The following ITGAD variants were observed in gnomAD, a reference collection of about 807,000 sequenced individuals.
The protein encoded by ITGAD is integrin subunit alpha D.
Under a neutral mutation model 139.0 loss-of-function variants are expected in ITGAD, and 105 were observed. That is an observed-to-expected ratio of 0.76 (90% CI 0.65 to 0.89). ITGAD has a LOEUF of 0.89. Ranked by LOEUF, ITGAD falls within the 40% of genes least tolerant of loss-of-function variation. The probability of loss-of-function intolerance (pLI) is 0.00; values close to 1 mark genes in which losing one functional copy is unlikely to be tolerated. For synonymous variants in ITGAD, 569 were observed against 598.3 expected (o/e 0.95, Z 0.71); for missense variants, 1,384 against 1,487.3 (o/e 0.93, Z 1.14).
rs377508358 is a variant in ITGAD, at chr16:31,407,908, C to T, written c.1001C>T (p.Ala334Val). ...IQKQLQEKIYAVEGTQSRASS... is the reference protein window; with the variant it reads ...IQKQLQEKIYVVEGTQSRASS... ...AAGCAGCTGCAGGAGAAGATCTATG[C>T]AGTTGAGGGTAAATGGAAGCAAGGG... The change falls in exon 9 of 30, where the codon GCA (alanine) becomes GTA (valine). Residue 334 changes from alanine (A) to valine (V), a missense_variant. Coordinates refer to ENST00000389202, the MANE Select transcript of ITGAD (RefSeq NM_005353.3). The T allele has an allele frequency of 3.1e-6, 5 of 1,588,988 alleles. No individual in the cohort carries two copies. The African/African-American group carries it at 5.4e-5, about 17-fold the overall frequency.
rs1304133180 is a variant in ITGAD at position 31,416,257 on chromosome 16, G to C, written c.2328G>C (p.Gly776=). 3.7e-6 allele frequency: 6 copies of C among 1,605,156 alleles called. No homozygotes were observed. The highest frequency in any genetic ancestry group is 8.5e-7 in the Non-Finnish European group (1 of 1,175,012). The part of the protein sequence containing the change: ...KNCGQDGLCE[G]DLGVTLSFSG... Reference sequence around the variant, plus strand: ...GTGGGCAAGATGGCCTCTGTGAAGGGGACCTGGGTGTCACCCTCAGCTTCT... The same window carrying C: ...GTGGGCAAGATGGCCTCTGTGAAGGCGACCTGGGTGTCACCCTCAGCTTCT... The change falls in exon 19 of 30, where the codon GGG becomes GGC. Residue 776 remains glycine, a synonymous_variant. Coordinates refer to ENST00000389202, the MANE Select transcript of ITGAD (RefSeq NM_005353.3).
In ITGAD at chr16:31,423,848, T is replaced by C. The variant is rs772290941; in HGVS notation, c.3049T>C (p.Cys1017Arg). ...TTCACCCCTCTTCTGCCCCCAGGAC[T>C]GCTCCATTGCTGACTGCCTGCAGTT... ...TQISRSPMLDCSIADCLQFRC... is the reference protein window; with the variant it reads ...TQISRSPMLDRSIADCLQFRC... The change falls in exon 27 of 30, where the codon TGC becomes CGC. Residue 1017 changes from cysteine (C) to arginine (R), a missense_variant. Physicochemically the swap from Cys to Arg is radical, Grantham distance 180. Coordinates refer to ENST00000389202, the MANE Select transcript of ITGAD (RefSeq NM_005353.3). 5.6e-5 allele frequency: 91 copies of C among 1,614,114 alleles called. No homozygotes were observed. The highest frequency in any genetic ancestry group is 7.5e-5 in the Non-Finnish European group (88 of 1,180,050).
chr16:31,408,392 T>A, intron 9 of ITGAD, 33 bp from the exon 10 acceptor site: 1 of 1,596,140 alleles, frequency 6.3e-7, no homozygotes, highest in Non-Finnish European at 8.6e-7. Context: ...GTCTCATGGC[T>A]TCTAGGAACT....
Position 31,418,341 on chromosome 16 carries a change from C to A in ITGAD, c.2657C>A (p.Thr886Asn). 6.2e-7 allele frequency: 1 copy of A among 1,614,110 alleles called. No homozygotes were observed. Among genetic ancestry groups the A allele is most frequent in the African/African-American group, 1.3e-5 (1 of 75,024 alleles). ...IVTFDVSYKA[T>N]LGDRMLMRAS... The stretch of plus-strand genomic sequence containing the variant: ...ACATTCGATGTCTCCTACAAGGCCA[C>A]CCTGGGAGACAGGATGCTTATGAGG... Residue 886 changes from threonine to asparagine, a missense_variant, in exon 22 of 30, where the codon ACC (threonine) becomes AAC (asparagine). Physicochemically the swap from Thr to Asn is moderately conservative, Grantham distance 65. Coordinates refer to ENST00000389202, the MANE Select transcript of ITGAD (RefSeq NM_005353.3).
intron 2 of ITGAD, among the ~76,000 whole-genome samples, chr16:31,396,591 C>T (rs1259262379): frequency 6.6e-6 from 1 of 152,166 alleles, no homozygotes; most frequent in Non-Finnish European, 1.5e-5. Flanking sequence ...CTTAGGCATC[C>T]CCTGAATCAT....
At chr16:31,409,338 CA>C (rs34935482) in intron 10 of ITGAD, among the ~76,000 whole-genome samples, 1 of 143,904 alleles carries the variant, frequency 6.9e-6, no homozygotes, top group Non-Finnish European at 1.5e-5. Context: ...CAAAACAAAG[CA>C]AAAAAAAACA....
rs975077507 is a variant in ITGAD, at chr16:31,418,759, G to A, written c.2780+195G>A. On this transcript the variant is annotated intron_variant, in intron 23 of 29. Coordinates refer to ENST00000389202, the MANE Select transcript of ITGAD (RefSeq NM_005353.3). ...TTCTGGGCTGGGCGCGGTACCTCGC[G>A]CCTGTAACCCCAGCACTTTGGGAGG... Among the ~76,000 whole-genome samples, 49 of 152,194 alleles carry A rather than the reference G, an allele frequency of 3.2e-4. 1 individual carries two copies. The highest frequency in any genetic ancestry group is 1.1e-3 in the Admixed American group (17 of 15,284).
At chr16:31,398,191 C>A (rs1339781904) in intron 5 of ITGAD, among the ~76,000 whole-genome samples, 1 of 151,972 alleles carries the variant, frequency 6.6e-6, no homozygotes, top group Admixed American at 6.6e-5. Context: ...CTGAGGTGGG[C>A]GGATCACCTG....
At chr16:31,412,677 G>C (rs985548794) in intron 14 of ITGAD, among the ~76,000 whole-genome samples, 161 bp from the exon 15 acceptor site, 6 of 152,210 alleles carry the variant, frequency 3.9e-5, no homozygotes, top group African/African-American at 1.4e-4. Flanking sequence ...ATCATCTCCC[G>C]ACTCCTACCT....
intron 23 of ITGAD, among the ~76,000 whole-genome samples, chr16:31,420,359 C>A (rs1259354220): frequency 6.6e-6 from 1 of 151,266 alleles, no homozygotes; most frequent in Non-Finnish European, 1.5e-5. Flanking sequence ...ATACACTGGG[C>A]TGAAAGACTG....
chr16:31,412,943 G>A lies in ITGAD; in HGVS notation c.1813G>A (p.Ala605Thr), dbSNP rs766626429. Residue 605 changes from alanine (A) to threonine (T), a missense_variant, in exon 15 of 30, where the codon GCC becomes ACC. Transcript: ENST00000389202. Reference protein sequence around the residue: ...QDGLMDLAVGARGQVLLLRSL... With the variant: ...QDGLMDLAVGTRGQVLLLRSL... ...TGGACTGATGGACCTGGCCGTGGGGGCCCGGGGCCAGGTGCTCCTGCTCAG... is the reference window on the plus strand; with the variant it reads ...TGGACTGATGGACCTGGCCGTGGGGACCCGGGGCCAGGTGCTCCTGCTCAG... The A allele has an allele frequency of 3.1e-6, 5 of 1,610,082 alleles. No individual in the cohort carries two copies. The highest frequency in any genetic ancestry group is 4.2e-6 in the Non-Finnish European group (5 of 1,178,120).
At chr16:31,408,616 G>A in intron 10 of ITGAD, 118 bp downstream of exon 10, 1 of 859,532 alleles carries the variant, frequency 1.2e-6, no homozygotes. Context: ...TCGCCAGGGA[G>A]AGGCCCCCAC....
Position 31,414,846 on chromosome 16 carries a change from C to T in ITGAD, c.2152-14C>T. The stretch of plus-strand genomic sequence containing the variant: ...GAGAGGACAGCAGGTTCTTGAAAGC[C>T]TGTTCTCTCTCAGGATTGTGTGGAG... On this transcript the variant is annotated splice_polypyrimidine_tract_variant and intron_variant, in intron 17 of 29. Transcript: ENST00000389202. 1 of 1,613,420 alleles carries T rather than the reference C, an allele frequency of 6.2e-7. No individual in the cohort carries two copies. Among genetic ancestry groups the T allele is most frequent in the Non-Finnish European group, 8.5e-7 (1 of 1,179,556 alleles).
rs976676051 is a variant in ITGAD, at chr16:31,403,752, G to A, written c.704+107G>A. On this transcript the variant is annotated intron_variant, in intron 7 of 29. Transcript: ENST00000389202. This position sits in a 1 kb window ranked among gnomAD's most constrained non-coding sequence, Gnocchi z 4.4. ...GCTGAGGGAGGCTCCAGGGAAAGGG[G>A]CTACCAAGGGGCATGTCGGGGCTGC... The A allele has an allele frequency of 1.4e-6, 2 of 1,420,732 alleles. No individual in the cohort carries two copies. Among genetic ancestry groups the A allele is most frequent in the African/African-American group, 1.4e-5 (1 of 71,152 alleles). 88.0% of individuals were successfully genotyped at this position (1,420,732 alleles called of 1,614,324 possible). A position where few individuals can be genotyped will look rare whatever the true frequency, so the allele number is the denominator to read the frequency against.
chr16:31,424,563 G>C lies in ITGAD; in HGVS notation c.3358G>C (p.Ala1120Pro). ...TCTGCTACTGCTGGCGCTCATCACA[G>C]CCACACTGTACAAGGCAAGTGTTTT... ...GALLLLALIT[A>P]TLYKLGFFKR... The change falls in exon 29 of 30, where the codon GCC becomes CCC. Residue 1120 changes from alanine (A) to proline (P), a missense_variant. Ala to Pro is a conservative substitution (Grantham distance 27). Coordinates refer to ENST00000389202, the MANE Select transcript of ITGAD (RefSeq NM_005353.3). 4.4e-6 allele frequency: 7 copies of C among 1,607,546 alleles called. No individual in the cohort carries two copies. The highest frequency in any genetic ancestry group is 6.0e-6 in the Non-Finnish European group (7 of 1,175,266).
At chr16:31,394,130 C>CAAA (rs943198130) in intron 1 of ITGAD, 106 bp from the exon 2 acceptor site, 123 of 416,832 alleles carry the variant, frequency 3.0e-4, no homozygotes, top group Middle Eastern at 9.9e-4. Flanking sequence ...GACTCCATCT[C>CAAA]AAAAAAAAAA....
chr16:31,419,959 G>GAC (rs1406516565), intron 23 of ITGAD, among the ~76,000 whole-genome samples: 1 of 152,080 alleles, frequency 6.6e-6, no homozygotes, highest in African/African-American at 2.4e-5. Context: ...TTGCTGGTGG[G>GAC]ACACACACAC....
At chr16:31,421,535 A>T (rs1185787842) in intron 23 of ITGAD, among the ~76,000 whole-genome samples, 2 of 152,068 alleles carry the variant, frequency 1.3e-5, no homozygotes, top group Non-Finnish European at 2.9e-5. Flanking sequence ...AGATTTTAAG[A>T]TGAGAAAACA....
At chr16:31,424,598 T>TA (rs751947606) in intron 29 of ITGAD, 21 bp downstream of exon 29, 1 of 249,310 alleles carries the variant, frequency 4.0e-6, no homozygotes, top group Non-Finnish European at 6.5e-6. Flanking sequence ...TATCCAACTC[T>TA]TTTTTTTTTT....
Sources: allele counts gnomAD v4.1 joint callset (sites outside exome capture counted in the v4.1 genomes callset), GRCh38; gene constraint gnomAD v4.1.1; non-coding constraint Gnocchi (gnomAD v3.1); transcripts MANE v1.5; gene names NCBI Gene and HGNC (gene_info 2026-07-23, HGNC 2026-07-21).